Variants in PAPOLA observed in about 807,000 individuals in gnomAD.
PAPOLA encodes polynucleotide adenylyltransferase alpha.
PAPOLA carries 15 observed loss-of-function variants against 100.6 expected under a neutral mutation model. That is an observed-to-expected ratio of 0.15 (90% CI 0.10 to 0.23). The LOEUF (loss-of-function observed/expected upper bound fraction) is 0.23, where lower values mean the gene tolerates loss of function less well. PAPOLA is among the 10% of genes least tolerant of loss of function. The pLI is 1.00. For missense variants in PAPOLA, 533 were observed against 884.2 expected, an observed-to-expected ratio of 0.60 and a Z score of 5.04; for synonymous variants, 293 against 300.0, an observed-to-expected ratio of 0.98 and a Z score of 0.24.
At chr14:96,559,581 C>CTGTATA (rs370979875) in intron 19 of PAPOLA, among the ~76,000 whole-genome samples, 2 of 120,182 alleles carry the variant, frequency 1.7e-5, no homozygotes, top group Non-Finnish European at 3.4e-5. Context: ...CTCTCTCTCT[C>CTGTATA]TATATATATA....
intron 19 of PAPOLA, among the ~76,000 whole-genome samples, chr14:96,559,077 G>A (rs80172689): frequency 1.3e-5 from 2 of 150,488 alleles, no homozygotes; most frequent in East Asian, 1.9e-4. Context: ...GTATTTCTAC[G>A]GAGTTGATTA....
At chr14:96,520,532 C>G (rs529001449) in intron 2 of PAPOLA, among the ~76,000 whole-genome samples, 1 of 151,978 alleles carries the variant, frequency 6.6e-6, no homozygotes, top group Non-Finnish European at 1.5e-5. Flanking sequence ...CCCGCCACCA[C>G]GCCCGGCTAA....
chr14:96,507,924 G>A (rs1015835539), intron 1 of PAPOLA, among the ~76,000 whole-genome samples: 5 of 152,170 alleles, frequency 3.3e-5, no homozygotes, highest in African/African-American at 1.2e-4. Flanking sequence ...TGCCCAGGCT[G>A]GAGTGTAGTG....
intron 21 of PAPOLA, among the ~76,000 whole-genome samples, chr14:96,563,663 T>C (rs1238303119): frequency 6.6e-6 from 1 of 152,162 alleles, no homozygotes; most frequent in Non-Finnish European, 1.5e-5. Context: ...CTCCGAGTTA[T>C]TTTAACGTGA....
intron 1 of PAPOLA, among the ~76,000 whole-genome samples, chr14:96,513,062 G>A (rs1033872668): frequency 1.3e-5 from 2 of 152,060 alleles, no homozygotes; most frequent in Non-Finnish European, 2.9e-5. Flanking sequence ...ATTTTTTATT[G>A]TTTGTTTTTT....
Position 96,509,850 on chromosome 14 carries a change from T to C in PAPOLA, c.8+7250T>C, listed in dbSNP as rs73351187. ...CATTGACTGAAGAATTCTGTTAACGTGGCACACGACTACTTTCAGTGGCTT... is the reference window on the plus strand; with the variant it reads ...CATTGACTGAAGAATTCTGTTAACGCGGCACACGACTACTTTCAGTGGCTT... On this transcript the variant is annotated intron_variant, in intron 1 of 21. Coordinates refer to ENST00000216277, the MANE Select transcript of PAPOLA (RefSeq NM_032632.5). Among the ~76,000 whole-genome samples, 581 of 152,328 alleles carry C rather than the reference T, an allele frequency of 3.8e-3. 4 individuals are homozygous for C. The highest frequency in any genetic ancestry group is 0.013 in the African/African-American group (547 of 41,584).
chr14:96,531,380 C>T, intron 6 of PAPOLA, 95 bp from the exon 7 acceptor site: 1 of 939,338 alleles, frequency 1.1e-6, no homozygotes, highest in Non-Finnish European at 1.6e-6. Flanking sequence ...CCTCAGCCTC[C>T]CAGAGTGCTG....
intron 12 of PAPOLA, among the ~76,000 whole-genome samples, chr14:96,540,087 A>C (rs1457132673): frequency 6.6e-6 from 1 of 152,166 alleles, no homozygotes; most frequent in Non-Finnish European, 1.5e-5. Flanking sequence ...TTTGGATTTC[A>C]GTAAGAAGTT....
At chr14:96,543,589 T>A (rs1366836761) in intron 14 of PAPOLA, among the ~76,000 whole-genome samples, 1 of 119,924 alleles carries the variant, frequency 8.3e-6, no homozygotes, top group Non-Finnish European at 2.0e-5. Context: ...TATATAAGAG[T>A]TTTTTTACAT....
intron 1 of PAPOLA, among the ~76,000 whole-genome samples, chr14:96,510,675 T>C (rs977039980): frequency 5.3e-5 from 8 of 152,250 alleles, no homozygotes; most frequent in Admixed American, 2.0e-4. Flanking sequence ...ACATCATCTT[T>C]GAGCCTCTGC....
intron 16 of PAPOLA, among the ~76,000 whole-genome samples, chr14:96,551,574 A>G (rs1285995696): frequency 1.3e-5 from 2 of 152,202 alleles, no homozygotes; most frequent in African/African-American, 4.8e-5. Context: ...AGGCACATGT[A>G]TAAGGAATGT....
Position 96,552,485 on chromosome 14 carries a change from A to G in PAPOLA, c.1527A>G (p.Ser509=). ...NHVLQKKKKH[S]TEGVKLTALN... Reference sequence around the variant, plus strand: ...AAATGTTTTATTGTTTGCAGCATTCAACAGAAGGTGTCAAATTGACAGCTC... The same window carrying G: ...AAATGTTTTATTGTTTGCAGCATTCGACAGAAGGTGTCAAATTGACAGCTC... Residue 509 remains serine, a synonymous_variant, in exon 17 of 22, where the codon TCA becomes TCG. Transcript: ENST00000216277. 6.2e-7 allele frequency: 1 copy of G among 1,612,886 alleles called. No homozygotes were observed. The highest frequency in any genetic ancestry group is 1.1e-5 in the South Asian group (1 of 91,002).
chr14:96,553,708 C>T (rs1372739882), intron 17 of PAPOLA, among the ~76,000 whole-genome samples: 1 of 152,038 alleles, frequency 6.6e-6, no homozygotes, highest in Non-Finnish European at 1.5e-5. Flanking sequence ...GACGGGGTTT[C>T]ACCATGTTGG....
In PAPOLA at chr14:96,527,861, T is replaced by C. The variant is rs1898629288; in HGVS notation, c.442-92T>C. On this transcript the variant is annotated intron_variant, in intron 5 of 21. Transcript: ENST00000216277. ...AACAGCCCAGTCTTAAAGCTAGCTA[T>C]TTTTGTGTCAGGTGTTTTGCTAAAG... 1.6e-5 allele frequency: 14 copies of C among 855,804 alleles called. No homozygotes were observed. In the South Asian group the frequency reaches 1.9e-4, roughly 11 times the overall value. The allele number at this position is 855,804 out of a possible 1,614,324, so 53.0% of individuals were successfully genotyped here. A position where few individuals can be genotyped will look rare whatever the true frequency, so the allele number is the denominator to read the frequency against.
At chr14:96,529,140 A>G (rs1197546879) in intron 6 of PAPOLA, among the ~76,000 whole-genome samples, 6 of 152,166 alleles carry the variant, frequency 3.9e-5, no homozygotes, top group Non-Finnish European at 5.9e-5. Context: ...GGAACATAAT[A>G]TTTTAGGAAA....
rs1316625487 is a variant in PAPOLA at position 96,557,944 on chromosome 14, ATTG to A, written c.2004+1536_2004+1538del. On this transcript the variant is annotated intron_variant, in intron 19 of 21. Transcript: ENST00000216277. ...GTATTTTTTAATTTGTGTCATTTTT[ATTG>A]TTGTATTATTTTTTATTTTTCTAAG... Among the ~76,000 whole-genome samples the A allele has an allele frequency of 9.2e-5, 14 of 152,016 alleles. No homozygotes were observed. In the East Asian group the frequency reaches 2.3e-3, roughly 25 times the overall value.
intron 1 of PAPOLA, among the ~76,000 whole-genome samples, chr14:96,504,113 A>G (rs563870992): frequency 7.4e-4 from 112 of 152,364 alleles, no homozygotes; most frequent in African/African-American, 2.5e-3. Flanking sequence ...TCTCAGTTCA[A>G]TAGGAGATAA....
intron 1 of PAPOLA, among the ~76,000 whole-genome samples, chr14:96,508,381 A>G (rs890028461): frequency 4.6e-5 from 7 of 152,196 alleles, no homozygotes; most frequent in African/African-American, 1.4e-4. Flanking sequence ...TGCTCAGTAA[A>G]TGTTGATTAT....
intron 15 of PAPOLA, among the ~76,000 whole-genome samples, chr14:96,546,738 A>G (rs773530666): frequency 7.2e-5 from 11 of 152,110 alleles, no homozygotes; most frequent in Non-Finnish European, 1.5e-4. Context: ...TTACTAGATG[A>G]ATTTTGTTTC....
Sources: gnomAD v4.1 joint callset for allele counts (sites outside exome capture counted in the v4.1 genomes callset) on GRCh38, gnomAD v4.1.1 for gene constraint, MANE v1.5 for transcripts, NCBI Gene and HGNC (gene_info 2026-07-23, HGNC 2026-07-21) for gene names.